The following CDH12 variants were observed in gnomAD, a reference collection of about 807,000 sequenced individuals.
CDH12 encodes the protein cadherin-12.
Under a neutral mutation model 74.1 loss-of-function variants are expected in CDH12, and 41 were observed. That is an observed-to-expected ratio of 0.55 (90% CI 0.43 to 0.72). The LOEUF (loss-of-function observed/expected upper bound fraction) is 0.72. Ranked by LOEUF, CDH12 falls within the 30% of genes least tolerant of loss-of-function variation. CDH12 has a pLI of 0.00. For missense variants in CDH12, 945 were observed against 977.2 expected (o/e 0.97, Z 0.44); for synonymous variants, 399 against 355.0 (o/e 1.12, Z -1.39).
At chr5:22,532,385 ATCC>A (rs1444971288) in intron 1 of CDH12, among the ~76,000 whole-genome samples, 51 of 127,938 alleles carry the variant, frequency 4.0e-4, no homozygotes, top group Non-Finnish European at 6.8e-4. Flanking sequence ...ATATGTATGT[ATCC>A]TATTTTGCTC....
At chr5:22,503,695 T>C (rs751194867) in intron 2 of CDH12, among the ~76,000 whole-genome samples, 23 of 152,128 alleles carry the variant, frequency 1.5e-4, no homozygotes, top group Non-Finnish European at 2.6e-4. Flanking sequence ...GTTAAATAAA[T>C]ATCAAACTAT....
chr5:22,401,549 C>A (rs1742730863), intron 3 of CDH12, among the ~76,000 whole-genome samples: 1 of 152,084 alleles, frequency 6.6e-6, no homozygotes, highest in African/African-American at 2.4e-5. Context: ...GTAATAGACA[C>A]AAATTCTAGA....
chr5:22,297,741 G>A (rs886929996), intron 3 of CDH12, among the ~76,000 whole-genome samples: 1 of 152,102 alleles, frequency 6.6e-6, no homozygotes, highest in African/African-American at 2.4e-5. Context: ...TTTAAACTGT[G>A]TATAACAGAC....
At chr5:22,077,364 C>T (rs1178197827) in intron 5 of CDH12, among the ~76,000 whole-genome samples, 1 of 151,776 alleles carries the variant, frequency 6.6e-6, no homozygotes, top group Non-Finnish European at 1.5e-5. Context: ...ATGAATATTC[C>T]TCCTTTGACC....
chr5:22,428,684 G>A (rs540063657), intron 2 of CDH12, among the ~76,000 whole-genome samples: 111 of 152,192 alleles, frequency 7.3e-4, no homozygotes, highest in African/African-American at 2.6e-3. Flanking sequence ...CATTGCAATC[G>A]GAGCAGATGA....
At chr5:22,631,775 G>C (rs1035868515) in intron 1 of CDH12, among the ~76,000 whole-genome samples, 4 of 152,150 alleles carry the variant, frequency 2.6e-5, no homozygotes, top group African/African-American at 9.7e-5. Flanking sequence ...CCTGGTGGAA[G>C]GCAAAGGTAG....
chr5:22,152,730 T>A (rs1747680937), intron 4 of CDH12, among the ~76,000 whole-genome samples: 2 of 152,196 alleles, frequency 1.3e-5, no homozygotes, highest in African/African-American at 4.8e-5. Context: ...TCCTCCTATA[T>A]AATTGAAATT....
At chr5:22,110,068 C>T (rs1045310031) in intron 4 of CDH12, among the ~76,000 whole-genome samples, 7 of 152,250 alleles carry the variant, frequency 4.6e-5, no homozygotes, top group African/African-American at 1.4e-4. Context: ...TTTGTTTGTG[C>T]ATATTTCCCT....
rs1008031297 is a variant in CDH12, at chr5:22,826,477, C to T, written c.-523+26581G>A. On this transcript the variant is annotated intron_variant, in intron 1 of 14. Coordinates refer to ENST00000382254, the MANE Select transcript of CDH12 (RefSeq NM_004061.5). ...GAAAAGGTACACAAAAATGTGGAAG[C>T]GACTTTGGAACTGGGTAACAGACAG... is the stretch of plus-strand genomic sequence containing the variant. 3.3e-5 allele frequency among the ~76,000 whole-genome samples: 5 copies of T among 152,042 alleles called. No individual in the cohort carries two copies. The East Asian group carries it at 5.8e-4, about 18-fold the overall frequency.
At chr5:22,071,179 A>T (rs1001471774) in intron 5 of CDH12, among the ~76,000 whole-genome samples, 18 of 152,086 alleles carry the variant, frequency 1.2e-4, no homozygotes, top group African/African-American at 4.3e-4. Context: ...CATAAAATTA[A>T]AAATAAATAA....
chr5:22,265,391 T>C (rs368020299), intron 3 of CDH12, among the ~76,000 whole-genome samples: 51 of 152,322 alleles, frequency 3.3e-4, no homozygotes, highest in East Asian at 1.9e-3. Flanking sequence ...AATTTTGTTA[T>C]ATTTTAACAA....
intron 1 of CDH12, among the ~76,000 whole-genome samples, chr5:22,819,844 C>T (rs1234250942): frequency 1.3e-5 from 2 of 148,504 alleles, no homozygotes; most frequent in Non-Finnish European, 3.0e-5. Flanking sequence ...TATTTATATC[C>T]AGATAGAAGA....
intron 4 of CDH12, among the ~76,000 whole-genome samples, chr5:22,172,674 G>C (rs970615909): frequency 2.0e-5 from 3 of 151,742 alleles, no homozygotes; most frequent in African/African-American, 7.3e-5. Flanking sequence ...ACAGGGAAGA[G>C]GGATGTCTGT....
At chr5:21,771,368 C>G (rs1745315594) in intron 11 of CDH12, among the ~76,000 whole-genome samples, 1 of 152,058 alleles carries the variant, frequency 6.6e-6, no homozygotes, top group African/African-American at 2.4e-5. Flanking sequence ...CTTTCTTTGA[C>G]TTTTCTCTTT....
Position 22,254,010 on chromosome 5 carries a change from TAATTG to T in CDH12, c.-332-41372_-332-41368del, listed in dbSNP as rs202068252. ...CACAGTCAGAAATTGGTAATGGAGA[TAATTG>T]TCTTTGAAAGAAATTTGAGCTGGAA... On this transcript the variant is annotated intron_variant, in intron 3 of 14. Transcript: ENST00000382254. 7.8e-3 allele frequency among the ~76,000 whole-genome samples: 1,183 copies of T among 152,048 alleles called. 10 individuals carry two copies. Among genetic ancestry groups the T allele is most frequent in the African/African-American group, 0.027 (1,124 of 41,552 alleles).
Position 22,666,282 on chromosome 5 carries a change from C to CTTTTTTTTTTTTT in CDH12, c.-522-160931_-522-160919dup, listed in dbSNP as rs1161509257. Among the ~76,000 whole-genome samples, 334 of 83,506 alleles carry CTTTTTTTTTTTTT rather than the reference C, an allele frequency of 4.0e-3. 21 individuals carry two copies. The highest frequency in any genetic ancestry group is 0.015 in the East Asian group (43 of 2,952). 54.8% of individuals were successfully genotyped at this position (83,506 alleles called of 152,430 possible). On this transcript the variant is annotated intron_variant, in intron 1 of 14. Coordinates refer to ENST00000382254, the MANE Select transcript of CDH12 (RefSeq NM_004061.5). ...TTATGGGATTTCTGTATCTCTCTAT[C>CTTTTTTTTTTTTT]TTTTTTTTTTTTTTTTTTTGTTTTT...
chr5:22,725,562 GGT>G (rs777560819), intron 1 of CDH12, among the ~76,000 whole-genome samples: 127 of 148,932 alleles, frequency 8.5e-4, no homozygotes, highest in Non-Finnish European at 1.6e-3. Context: ...AATTTATTTT[GGT>G]GGACGAGAAG....
chr5:22,452,195 A>C (rs1745071507), intron 2 of CDH12, among the ~76,000 whole-genome samples: 1 of 151,956 alleles, frequency 6.6e-6, no homozygotes, highest in Admixed American at 6.6e-5. Context: ...AATGTTAATA[A>C]AATTCTTCAC....
intron 1 of CDH12, among the ~76,000 whole-genome samples, chr5:22,705,413 C>T (rs1376890657): frequency 6.6e-6 from 1 of 151,212 alleles, no homozygotes; most frequent in Admixed American, 6.6e-5. Flanking sequence ...GGTAGTAATG[C>T]AAACTGTCTA....
Sources: allele counts gnomAD v4.1 joint callset (sites outside exome capture counted in the v4.1 genomes callset), GRCh38; gene constraint gnomAD v4.1.1; transcripts MANE v1.5; gene names NCBI Gene and HGNC (gene_info 2026-07-23, HGNC 2026-07-21).